RNLS: variants seen among roughly 807,000 people sequenced by gnomAD.
RNLS encodes renalase.
A neutral mutation model predicts 39.8 loss-of-function variants in RNLS; 39 were observed. That is an observed-to-expected ratio of 0.98 (90% CI 0.76 to 1.28). The LOEUF (loss-of-function observed/expected upper bound fraction) is 1.28. Among genes scored for constraint, RNLS ranks in the 50% most tolerant of loss-of-function variants. The pLI is 0.00. For synonymous variants in RNLS, 147 were observed against 150.7 expected (o/e 0.98, Z 0.18); for missense variants, 410 against 413.3 (o/e 0.99, Z 0.07).
the RNLS span, among the ~76,000 whole-genome samples, chr10:88,216,619 G>A: frequency 6.6e-6 from 1 of 152,198 alleles, no homozygotes; most frequent in Non-Finnish European, 1.5e-5. Flanking sequence ...TGAAAGCAGG[G>A]AAGCAAACTG....
chr10:88,418,791 A>G (rs1465190350), intron 4 of RNLS, among the ~76,000 whole-genome samples: 1 of 152,202 alleles, frequency 6.6e-6, no homozygotes, highest in African/African-American at 2.4e-5. Flanking sequence ...ATATACTACA[A>G]ATGGTGTTTA....
At chr10:88,248,035 T>C in the RNLS span, among the ~76,000 whole-genome samples, 2 of 152,252 alleles carry the variant, frequency 1.3e-5, no homozygotes, top group African/African-American at 4.8e-5. Context: ...TTCTGACCTC[T>C]GCAACTGTAA....
chr10:88,551,813 G>A (rs568739034), intron 4 of RNLS, among the ~76,000 whole-genome samples: 86 of 152,162 alleles, frequency 5.7e-4, no homozygotes, highest in African/African-American at 1.9e-3. Context: ...TAATAACAAC[G>A]CTGGGTTGTT....
At chr10:88,508,064 TA>T (rs1368964208) in intron 4 of RNLS, among the ~76,000 whole-genome samples, 5 of 152,210 alleles carry the variant, frequency 3.3e-5, no homozygotes, top group African/African-American at 1.2e-4. Context: ...GTATTTTAAG[TA>T]AGCACTATGT....
chr10:88,196,075 G>A, the RNLS span, among the ~76,000 whole-genome samples: 1 of 152,118 alleles, frequency 6.6e-6, no homozygotes, highest in African/African-American at 2.4e-5. Context: ...AAGTGCAAAG[G>A]TTTGCATTTT....
intron 6 of RNLS, among the ~76,000 whole-genome samples, chr10:88,291,887 C>G (rs1229298112): frequency 1.3e-5 from 2 of 152,070 alleles, no homozygotes; most frequent in Admixed American, 6.6e-5. Flanking sequence ...CACTACCCTT[C>G]TCTGGGTCAC....
At chr10:88,235,254 C>T in the RNLS span, among the ~76,000 whole-genome samples, 319 of 108,634 alleles carry the variant, frequency 2.9e-3, no homozygotes, top group Non-Finnish European at 3.9e-3. Context: ...GGTGATAGAG[C>T]GAGACTCTAT....
At chr10:88,490,322 C>A (rs1352498290) in intron 4 of RNLS, among the ~76,000 whole-genome samples, 2 of 152,162 alleles carry the variant, frequency 1.3e-5, no homozygotes, top group African/African-American at 4.8e-5. Context: ...CTTACTTTAA[C>A]TGTAGCTAAA....
Position 88,327,694 on chromosome 10 carries a change from T to G in RNLS, c.701-13053A>C, listed in dbSNP as rs181492545. 1.2e-4 allele frequency among the ~76,000 whole-genome samples: 19 copies of G among 152,336 alleles called. No individual in the cohort carries two copies. In the East Asian group the frequency reaches 3.3e-3, roughly 26 times the overall value. The stretch of plus-strand genomic sequence containing the variant: ...TATATAGTCAGTTCTTATAAGTGTT[T>G]TATGTGTACTTGAATAGAATTTTCT... On this transcript the variant is annotated intron_variant, in intron 5 of 6. Coordinates refer to ENST00000331772, the MANE Select transcript of RNLS (RefSeq NM_001031709.3).
At chr10:88,549,280 T>TATGCTAGGC (rs11282005) in intron 4 of RNLS, among the ~76,000 whole-genome samples, 2 of 151,314 alleles carry the variant, frequency 1.3e-5, no homozygotes, top group Non-Finnish European at 3.0e-5. Context: ...AAAAATATTT[T>TATGCTAGGC]ATGGTGGCTC....
At chr10:88,285,713 A>G (rs1843218981) in intron 6 of RNLS, among the ~76,000 whole-genome samples, 1 of 152,082 alleles carries the variant, frequency 6.6e-6, no homozygotes, top group East Asian at 1.9e-4. Flanking sequence ...AAGTGTTTAT[A>G]TTTATATTCT....
chr10:88,277,402 A>G (rs1842850245), intron 6 of RNLS, among the ~76,000 whole-genome samples: 1 of 152,182 alleles, frequency 6.6e-6, no homozygotes, highest in Non-Finnish European at 1.5e-5. Flanking sequence ...GGGTGCAGCA[A>G]ACCAACATGG....
the RNLS span, among the ~76,000 whole-genome samples, chr10:88,233,491 T>G: frequency 1.7e-4 from 26 of 152,206 alleles, no homozygotes; most frequent in Admixed American, 8.5e-4. Flanking sequence ...TGACCTGACT[T>G]TCCCTGGGCT....
chr10:88,379,301 G>A, intron 4 of RNLS, among the ~76,000 whole-genome samples: 1 of 152,132 alleles, frequency 6.6e-6, no homozygotes, highest in Non-Finnish European at 1.5e-5. Flanking sequence ...TAAGCAGAGT[G>A]TACAAAATAA....
At chr10:88,469,369 TG>T (rs1564824369) in intron 4 of RNLS, among the ~76,000 whole-genome samples, 1 of 152,188 alleles carries the variant, frequency 6.6e-6, no homozygotes, top group Non-Finnish European at 1.5e-5. Flanking sequence ...GAGTCATTCC[TG>T]GGGATCTTGA....
chr10:88,383,608 T>G (rs567925801), intron 4 of RNLS, among the ~76,000 whole-genome samples: 1 of 152,232 alleles, frequency 6.6e-6, no homozygotes, highest in East Asian at 1.9e-4. Context: ...CAAGTGCAAA[T>G]GAAATTTCCT....
rs773111318 is a variant in RNLS, at chr10:88,314,602, G to C, written c.740C>G (p.Thr247Ser). The part of the protein sequence containing the change: ...EIGPSLVIHT[T>S]VPFGVTYLEH... ...CAAGTATGTAACTCCAAATGGGACA[G>C]TGGTGTGAATCACGAGGGAAGGCCC... Residue 247 changes from threonine (T) to serine (S), a missense_variant, in exon 6 of 7, where the codon ACT (threonine) becomes AGT (serine). Transcript: ENST00000331772. The C allele has an allele frequency of 6.2e-7, 1 of 1,613,868 alleles. No individual in the cohort carries two copies. The highest frequency in any genetic ancestry group is 1.7e-5 in the Admixed American group (1 of 60,012).
chr10:88,274,993 G>A (rs1393660724), exon 7 of RNLS: 2 of 1,613,288 alleles, frequency 1.2e-6, no homozygotes, highest in Admixed American at 1.7e-5. Context: ...ATCATCCAGG[G>A]GCTCTTCGCA....
chr10:88,361,355 A>AT (rs970692794), intron 5 of RNLS, among the ~76,000 whole-genome samples: 3 of 151,720 alleles, frequency 2.0e-5, no homozygotes, highest in Admixed American at 2.0e-4. Context: ...ACAAGTTTAA[A>AT]TTTTTTTTTC....
Sources: gnomAD v4.1 joint callset for allele counts (sites outside exome capture counted in the v4.1 genomes callset) on GRCh38, gnomAD v4.1.1 for gene constraint, MANE v1.5 for transcripts, NCBI Gene and HGNC (gene_info 2026-07-23, HGNC 2026-07-21) for gene names.